Variants in ITGA9 observed in about 807,000 individuals in gnomAD.
The protein encoded by ITGA9 is integrin alpha-9.
A neutral mutation model predicts 127.8 loss-of-function variants in ITGA9; 56 were observed. The ratio of observed to expected loss-of-function variants is 0.44; its 90% CI spans 0.35 to 0.55. The LOEUF is 0.55. Among genes scored for constraint, ITGA9 ranks in the 20% least tolerant of loss-of-function variants. The pLI, the probability that ITGA9 is intolerant of heterozygous loss-of-function variation, is 0.00. For missense variants in ITGA9, 1,196 were observed against 1,347.1 expected (o/e 0.89, Z 1.76); for synonymous variants, 508 against 514.5 (o/e 0.99, Z 0.17).
intron 15 of ITGA9, among the ~76,000 whole-genome samples, chr3:37,601,364 G>T (rs906985291): frequency 6.6e-6 from 1 of 152,184 alleles, no homozygotes; most frequent in African/African-American, 2.4e-5. Context: ...TCCTTCAGCT[G>T]CAAAGAACAC....
chr3:37,747,711 T>C (rs1040742371), intron 22 of ITGA9, among the ~76,000 whole-genome samples: 7 of 132,942 alleles, frequency 5.3e-5, no homozygotes, highest in Non-Finnish European at 1.1e-4. Flanking sequence ...TCTTTCCTTT[T>C]TTTTCTTTTT....
chr3:37,588,231 C>T (rs1699777250), intron 15 of ITGA9, among the ~76,000 whole-genome samples: 1 of 152,212 alleles, frequency 6.6e-6, no homozygotes, highest in African/African-American at 2.4e-5. Context: ...TTTATAACAA[C>T]TTGGAAGCCC....
At chr3:37,670,777 G>A (rs1284493298) in intron 17 of ITGA9, among the ~76,000 whole-genome samples, 1 of 152,088 alleles carries the variant, frequency 6.6e-6, no homozygotes, top group Non-Finnish European at 1.5e-5. Flanking sequence ...TCACCTCCCA[G>A]GAGAAAAGAT....
intron 17 of ITGA9, among the ~76,000 whole-genome samples, chr3:37,673,510 C>T (rs1700656338): frequency 6.6e-6 from 1 of 152,170 alleles, no homozygotes; most frequent in Non-Finnish European, 1.5e-5. Flanking sequence ...AGCTACTTCT[C>T]CTCCACCGTC....
At chr3:37,489,120 T>G (rs1448282823) in intron 4 of ITGA9, among the ~76,000 whole-genome samples, 4 of 152,276 alleles carry the variant, frequency 2.6e-5, no homozygotes, top group African/African-American at 9.6e-5. Context: ...CATAATGTCC[T>G]CAAGGTGTAT....
At chr3:37,780,749 G>C (rs911190561) in intron 25 of ITGA9, among the ~76,000 whole-genome samples, 1 of 152,164 alleles carries the variant, frequency 6.6e-6, no homozygotes, top group Non-Finnish European at 1.5e-5. Flanking sequence ...GAGAAATCTC[G>C]ATACTGCTTT....
chr3:37,651,925 A>G (rs1340347356), intron 16 of ITGA9, among the ~76,000 whole-genome samples: 1 of 152,110 alleles, frequency 6.6e-6, no homozygotes, highest in Non-Finnish European at 1.5e-5. Flanking sequence ...GATTTAGGTC[A>G]CATCCTGTTC....
intron 18 of ITGA9, among the ~76,000 whole-genome samples, chr3:37,719,393 AG>A (rs1203277287): frequency 1.3e-5 from 2 of 152,150 alleles, no homozygotes; most frequent in Non-Finnish European, 2.9e-5. Flanking sequence ...GTGCTAGACT[AG>A]GAAGAGGTCC....
chr3:37,486,347 A>G (rs1475163406), intron 4 of ITGA9, among the ~76,000 whole-genome samples: 2 of 152,334 alleles, frequency 1.3e-5, no homozygotes, highest in African/African-American at 2.4e-5. Flanking sequence ...ACTTATTGCT[A>G]TGATTAAACC....
At chr3:37,498,040 TG>T (rs1294007064) in intron 5 of ITGA9, among the ~76,000 whole-genome samples, 3 of 152,096 alleles carry the variant, frequency 2.0e-5, no homozygotes, top group Admixed American at 6.6e-5. Flanking sequence ...AGGGGCTGGG[TG>T]GCCAGGGAGC....
chr3:37,649,149 C>T (rs76583986), intron 16 of ITGA9, among the ~76,000 whole-genome samples: 2,459 of 146,454 alleles, frequency 0.017, 67 homozygotes, highest in African/African-American at 0.056. Context: ...AAAAGAAAAC[C>T]GCAAGGGAGA....
intron 11 of ITGA9, among the ~76,000 whole-genome samples, chr3:37,520,885 G>A (rs144633814): frequency 8.2e-4 from 125 of 152,324 alleles, no homozygotes; most frequent in African/African-American, 2.8e-3. Context: ...GACCTCGGAA[G>A]CTAATCACAC....
chr3:37,606,002 C>G (rs1488066970), intron 15 of ITGA9, among the ~76,000 whole-genome samples: 2 of 152,198 alleles, frequency 1.3e-5, no homozygotes, highest in Non-Finnish European at 2.9e-5. Context: ...ACCCACGAAA[C>G]TGCCCTGCAG....
chr3:37,599,709 T>C (rs1699899543), intron 15 of ITGA9, among the ~76,000 whole-genome samples: 2 of 152,206 alleles, frequency 1.3e-5, no homozygotes, highest in South Asian at 4.1e-4. Flanking sequence ...TTAACCTTCG[T>C]CTATAAAATG....
At chr3:37,713,426 T>C (rs1268892566) in intron 18 of ITGA9, among the ~76,000 whole-genome samples, 1 of 152,104 alleles carries the variant, frequency 6.6e-6, no homozygotes, top group Non-Finnish European at 1.5e-5. Context: ...AGCTAAAAGG[T>C]TCAGTGGAAG....
At chr3:37,746,455 C>T (rs148214838) in intron 22 of ITGA9, among the ~76,000 whole-genome samples, 170 of 152,218 alleles carry the variant, frequency 1.1e-3, no homozygotes, top group East Asian at 0.011. Flanking sequence ...AAAACAATGG[C>T]CAAAAATAAT....
rs1185517378 is a variant in ITGA9 at position 37,820,136 on chromosome 3, T to A, written c.*1147T>A. ...TTATTAAGGAAGTATTCCCAGGGGA[T>A]ACCAGTAAGAGAGTGGGGGAAGCAG... is the stretch of plus-strand genomic sequence containing the variant. On this transcript the variant is annotated 3_prime_UTR_variant, in exon 28 of 28. Transcript: ENST00000264741. 6.6e-6 allele frequency: 1 copy of A among 152,196 alleles called. No homozygotes were observed. Among genetic ancestry groups the A allele is most frequent in the African/African-American group, 2.4e-5 (1 of 41,426 alleles). The allele number at this position is 152,196 out of a possible 1,614,324, so 9.4% of individuals were successfully genotyped here.
rs1366773919 is a variant in ITGA9, at chr3:37,779,899, C to T, written c.2668-3C>T. 4 of 1,613,740 alleles carry T rather than the reference C, an allele frequency of 2.5e-6. No homozygotes were observed. The highest frequency in any genetic ancestry group is 1.6e-4 in the Middle Eastern group (1 of 6,084). ...TGGAAATTTTTCTGACTTTTCTTCT[C>T]AGGACTGTGAAAAACCAGGAATTTC... On this transcript the variant is annotated splice_region_variant and splice_polypyrimidine_tract_variant and intron_variant, in intron 24 of 27. Transcript: ENST00000264741.
intron 7 of ITGA9, among the ~76,000 whole-genome samples, chr3:37,506,724 C>T (rs1698847619): frequency 6.6e-6 from 1 of 152,158 alleles, no homozygotes; most frequent in Non-Finnish European, 1.5e-5. Flanking sequence ...GGTTCTTTAT[C>T]ATGAAGGTAC....
Sources: gnomAD v4.1 joint callset for allele counts (sites outside exome capture counted in the v4.1 genomes callset) on GRCh38, gnomAD v4.1.1 for gene constraint, MANE v1.5 for transcripts, NCBI Gene and HGNC (gene_info 2026-07-23, HGNC 2026-07-21) for gene names.